The following TTC27 variants were observed in gnomAD, a reference collection of about 807,000 sequenced individuals.
TTC27 encodes tetratricopeptide repeat protein 27.
TTC27 carries 79 observed loss-of-function variants against 115.9 expected under a neutral mutation model. That is an observed-to-expected ratio of 0.68 (90% CI 0.57 to 0.82). The LOEUF is 0.82. Ranked by LOEUF, TTC27 falls within the 40% of genes least tolerant of loss-of-function variation. TTC27 has a pLI of 0.00. For missense variants in TTC27, 1,054 were observed against 993.1 expected, an observed-to-expected ratio of 1.06 and a Z score of -0.82; for synonymous variants, 401 against 356.0, an observed-to-expected ratio of 1.13 and a Z score of -1.42.
chr2:32,792,106 A>G (rs1318858228), intron 16 of TTC27, among the ~76,000 whole-genome samples: 3 of 152,238 alleles, frequency 2.0e-5, no homozygotes, highest in Admixed American at 6.5e-5. Flanking sequence ...TGAATACCAT[A>G]TAGATAGAAT....
chr2:32,639,988 G>C (rs1227466005), intron 3 of TTC27, among the ~76,000 whole-genome samples: 1 of 151,866 alleles, frequency 6.6e-6, no homozygotes, highest in Non-Finnish European at 1.5e-5. Context: ...AACAGAGTGA[G>C]ACTCCCATCT....
chr2:32,788,377 T>C (rs2148023239), intron 16 of TTC27, among the ~76,000 whole-genome samples: 1 of 150,222 alleles, frequency 6.7e-6, no homozygotes, highest in East Asian at 2.0e-4. Context: ...CTGAATTAGT[T>C]TACACACCAA....
At chr2:32,636,225 T>C (rs1454665495) in intron 3 of TTC27, among the ~76,000 whole-genome samples, 1 of 152,188 alleles carries the variant, frequency 6.6e-6, no homozygotes, top group African/African-American at 2.4e-5. Context: ...TTCTTTTTTT[T>C]TGTTTTGAGA....
At chr2:32,791,965 G>T (rs1304369764) in intron 16 of TTC27, among the ~76,000 whole-genome samples, 2 of 152,148 alleles carry the variant, frequency 1.3e-5, no homozygotes, top group Non-Finnish European at 2.9e-5. Flanking sequence ...ACCCCAAACA[G>T]TTATGGAACA....
chr2:32,691,602 A>G (rs1253220716), intron 9 of TTC27, among the ~76,000 whole-genome samples: 1 of 152,008 alleles, frequency 6.6e-6, no homozygotes. Flanking sequence ...CCTGGCCTGC[A>G]TCTCTTAATC....
In TTC27 at chr2:32,722,722, G is replaced by A. The variant is rs531285461; in HGVS notation, c.1234-11106G>A. On this transcript the variant is annotated intron_variant, in intron 10 of 19. Coordinates refer to ENST00000317907, the MANE Select transcript of TTC27 (RefSeq NM_017735.5). ...GAGGAAAGGAGTGGAATGACCACAG[G>A]CAGGAAGAAGTTAATCGAGACTTTT... 7.2e-5 allele frequency among the ~76,000 whole-genome samples: 11 copies of A among 152,322 alleles called. No homozygotes were observed. The East Asian group carries it at 1.5e-3, about 21-fold the overall frequency.
intron 14 of TTC27, among the ~76,000 whole-genome samples, chr2:32,781,168 G>T (rs1670163035): frequency 6.6e-6 from 1 of 152,178 alleles, no homozygotes; most frequent in Non-Finnish European, 1.5e-5. Flanking sequence ...ACTGGTTTCA[G>T]GTTACGACAA....
intron 19 of TTC27, among the ~76,000 whole-genome samples, chr2:32,817,916 G>T (rs1208712757): frequency 6.6e-6 from 1 of 152,096 alleles, no homozygotes; most frequent in Non-Finnish European, 1.5e-5. Context: ...AATTAGCTGG[G>T]CATGGTTGCG....
intron 9 of TTC27, among the ~76,000 whole-genome samples, chr2:32,696,062 G>T (rs895680983): frequency 6.7e-6 from 1 of 149,342 alleles, no homozygotes; most frequent in Non-Finnish European, 1.5e-5. Context: ...GGTGGAGGTT[G>T]CAGTGAGCCA....
intron 9 of TTC27, among the ~76,000 whole-genome samples, chr2:32,691,249 T>G (rs1212132224): frequency 1.3e-5 from 2 of 152,056 alleles, no homozygotes; most frequent in African/African-American, 4.8e-5. Context: ...GCTAGCTGAA[T>G]AAAATAGTAA....
chr2:32,808,165 C>A (rs1671198430), intron 16 of TTC27, among the ~76,000 whole-genome samples: 1 of 151,978 alleles, frequency 6.6e-6, no homozygotes. Context: ...GAATTCCCGA[C>A]CTCATGTGAT....
chr2:32,642,916 C>T (rs1473163653), intron 4 of TTC27, among the ~76,000 whole-genome samples: 1 of 152,066 alleles, frequency 6.6e-6, no homozygotes, highest in African/African-American at 2.4e-5. Flanking sequence ...GATTCACCTG[C>T]CTCCATCTCC....
intron 4 of TTC27, among the ~76,000 whole-genome samples, chr2:32,644,336 G>A (rs905025533): frequency 5.3e-5 from 8 of 150,944 alleles, no homozygotes; most frequent in African/African-American, 1.7e-4. Context: ...AGGCGACAGA[G>A]TGAGACTCTG....
intron 10 of TTC27, among the ~76,000 whole-genome samples, chr2:32,723,602 A>G (rs888568611): frequency 1.7e-4 from 26 of 151,944 alleles, no homozygotes; most frequent in African/African-American, 2.9e-4. Context: ...TCTGGGGCCA[A>G]TTGAAATTGA....
intron 10 of TTC27, chr2:32,704,767 T>C (rs747562091): frequency 2.3e-6 from 1 of 435,052 alleles, no homozygotes; most frequent in Admixed American, 2.6e-5. Flanking sequence ...GCCCTTCAGT[T>C]TGAGTTTGTC....
intron 7 of TTC27, 84 bp downstream of exon 7, chr2:32,666,852 G>T: frequency 5.4e-6 from 8 of 1,480,830 alleles, no homozygotes; most frequent in Non-Finnish European, 6.4e-6. Context: ...AACACTGAAT[G>T]GGTTGGGGAC....
chr2:32,644,109 A>C (rs1403605182), intron 4 of TTC27, among the ~76,000 whole-genome samples: 2 of 148,092 alleles, frequency 1.4e-5, no homozygotes, highest in Non-Finnish European at 3.0e-5. Context: ...TGAACCCAGG[A>C]GGCAGAGTTT....
At chr2:32,713,253 A>G (rs1475433503) in intron 10 of TTC27, among the ~76,000 whole-genome samples, 2 of 152,366 alleles carry the variant, frequency 1.3e-5, no homozygotes, top group African/African-American at 4.8e-5. Context: ...CAAAGGGGCT[A>G]AAACATTTTA....
chr2:32,738,406 C>T (rs1009868443), intron 12 of TTC27, among the ~76,000 whole-genome samples: 3 of 152,192 alleles, frequency 2.0e-5, no homozygotes, highest in Non-Finnish European at 4.4e-5. Flanking sequence ...GCTGCCATTA[C>T]TTGCTGTGAT....
Sources: allele counts gnomAD v4.1 joint callset (sites outside exome capture counted in the v4.1 genomes callset), GRCh38; gene constraint gnomAD v4.1.1; transcripts MANE v1.5; gene names NCBI Gene and HGNC (gene_info 2026-07-23, HGNC 2026-07-21).